UNCX: variants seen among roughly 807,000 people sequenced by gnomAD.
UNCX encodes the protein homeobox protein unc-4 homolog.
A neutral mutation model predicts 14.8 loss-of-function variants in UNCX; 4 were observed. That is an observed-to-expected ratio of 0.27 (90% CI 0.13 to 0.62). The LOEUF (loss-of-function observed/expected upper bound fraction) is 0.62, where lower values mean the gene tolerates loss of function less well. Among genes scored for constraint, UNCX ranks in the 20% least tolerant of loss-of-function variants. The pLI is 0.86. For synonymous variants in UNCX, 459 were observed against 395.8 expected (o/e 1.16, Z -1.90); for missense variants, 749 against 786.8 (o/e 0.95, Z 0.58).
In UNCX at chr7:1,233,515, C is replaced by A; in HGVS notation, c.275-5C>A. ...AGCCGCGCTGCGTCCTGTGACTGCC[C>A]GCAGACTCGGGGGACCCGGACAAGG... On this transcript the variant is annotated splice_region_variant and splice_polypyrimidine_tract_variant and intron_variant, in intron 1 of 2. Transcript: ENST00000316333. The surrounding 1 kb of genome is among the most constrained non-coding windows in gnomAD (Gnocchi z 5.3). The A allele has an allele frequency of 6.2e-7, 1 of 1,608,892 alleles. No homozygotes were observed. Among genetic ancestry groups the A allele is most frequent in the Non-Finnish European group, 8.5e-7 (1 of 1,178,706 alleles).
Position 1,237,042 on chromosome 7 carries a change from C to T in UNCX, c.*65C>T. The T allele has an allele frequency of 1.9e-6, 2 of 1,075,830 alleles. No homozygotes were observed. The highest frequency in any genetic ancestry group is 2.3e-6 in the Non-Finnish European group (2 of 884,556). The allele number at this position is 1,075,830 out of a possible 1,614,324, so 66.6% of individuals were successfully genotyped here. On this transcript the variant is annotated 3_prime_UTR_variant, in exon 3 of 3. Transcript: ENST00000316333. The surrounding 1 kb of genome is among the most constrained non-coding windows in gnomAD (Gnocchi z 5.8). The stretch of plus-strand genomic sequence containing the variant: ...CCGCTCGCTCAGGCTCCGACTCACG[C>T]AACGAATCAGGTGATCGGCTCTAGA...
At position 1,236,839 on chromosome 7, in the gene UNCX, C is replaced by T; in HGVS notation, c.1458C>T (p.Pro486=). 1.0e-6 allele frequency: 1 copy of T among 993,832 alleles called. No homozygotes were observed. Among genetic ancestry groups the T allele is most frequent in the Non-Finnish European group, 1.2e-6 (1 of 837,148 alleles). The allele number at this position is 993,832 out of a possible 1,614,324, so 61.6% of individuals were successfully genotyped here. Residue 486 remains proline (P), a synonymous_variant, in exon 3 of 3, where the codon CCC becomes CCT. Coordinates refer to ENST00000316333, the MANE Select transcript of UNCX (RefSeq NM_001080461.3). The surrounding 1 kb of genome is among the most constrained non-coding windows in gnomAD (Gnocchi z 6.9). ...ACGCGGGGACCGCCGGCCCCGCGCC[C>T]CCGCCGCCCGCGCCGTCGCCCAGGC... ...CADAGTAGPA[P]PPPAPSPRPG... is the part of the protein sequence containing the mutation.
In UNCX at chr7:1,236,850, C is replaced by T; in HGVS notation, c.1469C>T (p.Ala490Val). 1.0e-6 allele frequency: 1 copy of T among 1,004,628 alleles called. No homozygotes were observed. Among genetic ancestry groups the T allele is most frequent in the South Asian group, 4.5e-5 (1 of 22,286 alleles). 62.2% of individuals were successfully genotyped at this position (1,004,628 alleles called of 1,614,324 possible). A position where few individuals can be genotyped will look rare whatever the true frequency, so the allele number is the denominator to read the frequency against. ...GTAGPAPPPP[A>V]PSPRPGPRPP... Reference sequence around the variant, plus strand: ...GCCGGCCCCGCGCCCCCGCCGCCCGCGCCGTCGCCCAGGCCCGGCCCTCGG... The same window carrying T: ...GCCGGCCCCGCGCCCCCGCCGCCCGTGCCGTCGCCCAGGCCCGGCCCTCGG... Residue 490 changes from alanine to valine, a missense_variant, in exon 3 of 3, where the codon GCG becomes GTG. Physicochemically the swap from Ala to Val is moderately conservative, Grantham distance 64. Coordinates refer to ENST00000316333, the MANE Select transcript of UNCX (RefSeq NM_001080461.3). The surrounding 1 kb of genome is among the most constrained non-coding windows in gnomAD (Gnocchi z 6.9).
At chr7:1,234,955 C>T (rs1778711121) in intron 2 of UNCX, among the ~76,000 whole-genome samples, 3 of 152,058 alleles carry the variant, frequency 2.0e-5, no homozygotes, top group South Asian at 2.1e-4. Flanking sequence ...CGAGCTTCCG[C>T]GGGGCTCAGA....
chr7:1,236,323 C>A lies in UNCX; in HGVS notation c.942C>A (p.Ala314=). The A allele has an allele frequency of 7.7e-7, 1 of 1,302,028 alleles. No homozygotes were observed. The allele number at this position is 1,302,028 out of a possible 1,614,324, so 80.7% of individuals were successfully genotyped here. A position where few individuals can be genotyped will look rare whatever the true frequency, so the allele number is the denominator to read the frequency against. ...ACGCGGCCTCGTGCGGGCCAGGGGC[C>A]GCTGTGGCGGCGGTGGAGCGCGGCG... ...DKDAASCGPG[A]AVAAVERGAA... is the part of the protein sequence containing the mutation. The change falls in exon 3 of 3, where the codon GCC becomes GCA. Residue 314 remains alanine (A), a synonymous_variant. Coordinates refer to ENST00000316333, the MANE Select transcript of UNCX (RefSeq NM_001080461.3). The surrounding 1 kb of genome is among the most constrained non-coding windows in gnomAD (Gnocchi z 6.9).
Position 1,233,354 on chromosome 7 carries a change from C to G in UNCX, c.274+63C>G. 2 of 1,330,408 alleles carry G rather than the reference C, an allele frequency of 1.5e-6. No individual in the cohort carries two copies. The highest frequency in any genetic ancestry group is 1.9e-6 in the Non-Finnish European group (2 of 1,049,168). The allele number at this position is 1,330,408 out of a possible 1,614,324, so 82.4% of individuals were successfully genotyped here. On this transcript the variant is annotated intron_variant, in intron 1 of 2. Transcript: ENST00000316333. This position sits in a 1 kb window ranked among gnomAD's most constrained non-coding sequence, Gnocchi z 5.3. ...CTGGGGGCGGGGGCCCTGGTCCGGC[C>G]GAGGCGCTGGGGGGCCCGGGGCTGG...
intron 2 of UNCX, among the ~76,000 whole-genome samples, chr7:1,234,603 C>G (rs1778705837): frequency 6.6e-6 from 1 of 150,858 alleles, no homozygotes; most frequent in Non-Finnish European, 1.5e-5. Context: ...TTGTCCTGCG[C>G]TTGGACCTCC....
chr7:1,233,336 CG>C lies in UNCX; in HGVS notation c.274+50del. On this transcript the variant is annotated intron_variant, in intron 1 of 2. Transcript: ENST00000316333. The surrounding 1 kb of genome is among the most constrained non-coding windows in gnomAD (Gnocchi z 5.3). ...GGGCGGGGAGGAGTGCGGCTGGGGG[CG>C]GGGGCCCTGGTCCGGCCGAGGCGCT... is the stretch of plus-strand genomic sequence containing the variant. 7.9e-7 allele frequency: 1 copy of C among 1,270,960 alleles called. No homozygotes were observed. Among genetic ancestry groups the C allele is most frequent in the Non-Finnish European group, 9.9e-7 (1 of 1,013,502 alleles). 78.7% of individuals were successfully genotyped at this position (1,270,960 alleles called of 1,614,324 possible). A position where few individuals can be genotyped will look rare whatever the true frequency, so the allele number is the denominator to read the frequency against.
rs548453742 is a variant in UNCX at position 1,233,422 on chromosome 7, C to CA, written c.275-98_275-97insA. The CA allele has an allele frequency of 5.7e-4, 792 of 1,378,470 alleles. 12 individuals carry two copies. Among genetic ancestry groups the CA allele is most frequent in the South Asian group, 4.6e-3 (281 of 60,496 alleles). The allele number at this position is 1,378,470 out of a possible 1,614,324, so 85.4% of individuals were successfully genotyped here. ...CTAGGCGGCCGTCTCTGCGCCCCCCCCCCCGGATCCAGGCGGCCAGCGGGT... is the reference window on the plus strand; with the variant it reads ...CTAGGCGGCCGTCTCTGCGCCCCCCCACCCCGGATCCAGGCGGCCAGCGGGT... On this transcript the variant is annotated intron_variant, in intron 1 of 2. Coordinates refer to ENST00000316333, the MANE Select transcript of UNCX (RefSeq NM_001080461.3). The surrounding 1 kb of genome is among the most constrained non-coding windows in gnomAD (Gnocchi z 5.3).
chr7:1,233,697 T>C lies in UNCX; in HGVS notation c.450+2T>C. ...GACCTGGTCGAGTCCCGAGTTCAGG[T>C]AAAGACCCGGCGTCGCTCCCGGATC... On this transcript the variant is annotated splice_donor_variant, in intron 2 of 2. Transcript: ENST00000316333. LOFTEE classifies it high-confidence loss of function. This position sits in a 1 kb window ranked among gnomAD's most constrained non-coding sequence, Gnocchi z 5.3. 1 of 1,591,044 alleles carries C rather than the reference T, an allele frequency of 6.3e-7. No individual in the cohort carries two copies. Among genetic ancestry groups the C allele is most frequent in the Non-Finnish European group, 8.6e-7 (1 of 1,166,164 alleles).
intron 2 of UNCX, 115 bp from the exon 3 acceptor site, chr7:1,235,717 C>A: frequency 1.0e-6 from 1 of 968,820 alleles, no homozygotes; most frequent in Non-Finnish European, 1.5e-6. Context: ...TTCACTCCTG[C>A]CCCGGCCGAG....
rs1360475671 is a variant in UNCX, at chr7:1,236,861, A to G, written c.1480A>G (p.Arg494Gly). 1.4e-5 allele frequency: 14 copies of G among 1,033,194 alleles called. No individual in the cohort carries two copies. The South Asian group carries it at 3.6e-4, about 26-fold the overall frequency. 64.0% of individuals were successfully genotyped at this position (1,033,194 alleles called of 1,614,324 possible). The change falls in exon 3 of 3, where the codon AGG (arginine) becomes GGG (glycine). Residue 494 changes from arginine to glycine, a missense_variant. Physicochemically the swap from Arg to Gly is moderately radical, Grantham distance 125. Transcript: ENST00000316333. This position sits in a 1 kb window ranked among gnomAD's most constrained non-coding sequence, Gnocchi z 6.9. Reference sequence around the variant, plus strand: ...GCCCCCGCCGCCCGCGCCGTCGCCCAGGCCCGGCCCTCGGCCTCCCAGCCC... The same window carrying G: ...GCCCCCGCCGCCCGCGCCGTCGCCCGGGCCCGGCCCTCGGCCTCCCAGCCC... ...PAPPPPAPSP[R>G]PGPRPPSPAE...
In UNCX at chr7:1,236,185, G is replaced by T; in HGVS notation, c.804G>T (p.Ala268=). ...ACGCCTCGGGCGCCGCGGGGACCGCGCCCGCCCCTCCCGGCGAGCCGCCTG... is the reference window on the plus strand; with the variant it reads ...ACGCCTCGGGCGCCGCGGGGACCGCTCCCGCCCCTCCCGGCGAGCCGCCTG... ...GAHASGAAGT[A]PAPPGEPPAP... is the part of the protein sequence containing the mutation. Residue 268 remains alanine, a synonymous_variant, in exon 3 of 3, where the codon GCG becomes GCT. Transcript: ENST00000316333. The surrounding 1 kb of genome is among the most constrained non-coding windows in gnomAD (Gnocchi z 6.9). The T allele has an allele frequency of 7.8e-7, 1 of 1,277,648 alleles. No homozygotes were observed. The highest frequency in any genetic ancestry group is 1.0e-6 in the Non-Finnish European group (1 of 1,000,342). 79.1% of individuals were successfully genotyped at this position (1,277,648 alleles called of 1,614,324 possible).
In UNCX at chr7:1,232,956, C is replaced by T; in HGVS notation, c.-62C>T. ...CCGCCCGCGCCTCCCGCCGCTGGCC[C>T]GCCCCGGCCCCGGCCCGCGCCCCCG... On this transcript the variant is annotated 5_prime_UTR_variant, in exon 1 of 3. Coordinates refer to ENST00000316333, the MANE Select transcript of UNCX (RefSeq NM_001080461.3). 5 of 881,046 alleles carry T rather than the reference C, an allele frequency of 5.7e-6. No individual in the cohort carries two copies. Among genetic ancestry groups the T allele is most frequent in the Non-Finnish European group, 6.8e-6 (5 of 737,138 alleles). The allele number at this position is 881,046 out of a possible 1,614,324, so 54.6% of individuals were successfully genotyped here. A position where few individuals can be genotyped will look rare whatever the true frequency, so the allele number is the denominator to read the frequency against.
At position 1,236,453 on chromosome 7, in the gene UNCX, G is replaced by A. The variant is rs749553705; in HGVS notation, c.1072G>A (p.Gly358Arg). The A allele has an allele frequency of 2.2e-6, 3 of 1,378,832 alleles. No individual in the cohort carries two copies. Among genetic ancestry groups the A allele is most frequent in the Middle Eastern group, 2.7e-4 (1 of 3,714 alleles). 85.4% of individuals were successfully genotyped at this position (1,378,832 alleles called of 1,614,324 possible). The change falls in exon 3 of 3, where the codon GGG becomes AGG. Residue 358 changes from glycine to arginine, a missense_variant. Coordinates refer to ENST00000316333, the MANE Select transcript of UNCX (RefSeq NM_001080461.3). The surrounding 1 kb of genome is among the most constrained non-coding windows in gnomAD (Gnocchi z 6.9). ...ASNAAAAAAA[G>R]LDFAPGLPCA... ...CAACGCCGCCGCCGCCGCCGCCGCG[G>A]GGCTGGACTTCGCGCCCGGGCTGCC...
At position 1,236,038 on chromosome 7, in the gene UNCX, G is replaced by C; in HGVS notation, c.657G>C (p.Leu219Phe). ...KKLLKSQGRH[L>F]HSPGGLSLHS... ...TGCTGAAGAGCCAGGGCCGCCACTTGCACTCGCCCGGCGGCCTGTCCCTGC... is the reference window on the plus strand; with the variant it reads ...TGCTGAAGAGCCAGGGCCGCCACTTCCACTCGCCCGGCGGCCTGTCCCTGC... Residue 219 changes from leucine (L) to phenylalanine (F), a missense_variant, in exon 3 of 3, where the codon TTG (leucine) becomes TTC (phenylalanine). Leu to Phe is a conservative substitution (Grantham distance 22). Coordinates refer to ENST00000316333, the MANE Select transcript of UNCX (RefSeq NM_001080461.3). This position sits in a 1 kb window ranked among gnomAD's most constrained non-coding sequence, Gnocchi z 6.9. 6.2e-7 allele frequency: 1 copy of C among 1,604,030 alleles called. No homozygotes were observed. Among genetic ancestry groups the C allele is most frequent in the Non-Finnish European group, 8.5e-7 (1 of 1,176,428 alleles).
intron 2 of UNCX, among the ~76,000 whole-genome samples, chr7:1,234,754 A>G: frequency 1.3e-5 from 1 of 74,350 alleles, no homozygotes; most frequent in Admixed American, 1.2e-4. Flanking sequence ...TCGCACCAAA[A>G]AAAAAAAAAA....
At position 1,233,437 on chromosome 7, in the gene UNCX, G is replaced by T. The variant is rs1233629499; in HGVS notation, c.275-83G>T. On this transcript the variant is annotated intron_variant, in intron 1 of 2. Coordinates refer to ENST00000316333, the MANE Select transcript of UNCX (RefSeq NM_001080461.3). The surrounding 1 kb of genome is among the most constrained non-coding windows in gnomAD (Gnocchi z 5.3). ...TGCGCCCCCCCCCCCGGATCCAGGCGGCCAGCGGGTAGCGGGAGGGAGGGG... is the reference window on the plus strand; with the variant it reads ...TGCGCCCCCCCCCCCGGATCCAGGCTGCCAGCGGGTAGCGGGAGGGAGGGG... The T allele has an allele frequency of 9.7e-6, 13 of 1,341,828 alleles. No homozygotes were observed. Among genetic ancestry groups the T allele is most frequent in the African/African-American group, 1.6e-5 (1 of 62,662 alleles). 83.1% of individuals were successfully genotyped at this position (1,341,828 alleles called of 1,614,324 possible).
chr7:1,236,442 CCG>C lies in UNCX; in HGVS notation c.1063_1064del (p.Ala355ArgfsTer207). On this transcript the variant is annotated frameshift_variant, in exon 3 of 3. Coordinates refer to ENST00000316333, the MANE Select transcript of UNCX (RefSeq NM_001080461.3). LOFTEE classifies it low-confidence loss of function (END_TRUNC). The surrounding 1 kb of genome is among the most constrained non-coding windows in gnomAD (Gnocchi z 6.9). ...AAAGCCGCTTCCAACGCCGCCGCCG[CCG>C]CCGCCGCGGGGCTGGACTTCGCGCC... is the stretch of plus-strand genomic sequence containing the variant. The C allele has an allele frequency of 7.3e-7, 1 of 1,367,232 alleles. No homozygotes were observed. Among genetic ancestry groups the C allele is most frequent in the Non-Finnish European group, 9.4e-7 (1 of 1,060,312 alleles). The allele number at this position is 1,367,232 out of a possible 1,614,324, so 84.7% of individuals were successfully genotyped here. A position where few individuals can be genotyped will look rare whatever the true frequency, so the allele number is the denominator to read the frequency against.
Sources: gnomAD v4.1 joint callset for allele counts (sites outside exome capture counted in the v4.1 genomes callset) on GRCh38, gnomAD v4.1.1 for gene constraint, Gnocchi (gnomAD v3.1) non-coding constraint, MANE v1.5 for transcripts, NCBI Gene and HGNC (gene_info 2026-07-23, HGNC 2026-07-21) for gene names.